Variants in NBEAL1 observed in about 807,000 individuals in gnomAD.
The protein encoded by NBEAL1 is neurobeachin-like protein 1.
In NBEAL1, 273 loss-of-function variants were observed where a neutral mutation model predicts 351.3. The ratio of observed to expected loss-of-function variants is 0.78; its 90% CI spans 0.70 to 0.86. NBEAL1 has a LOEUF of 0.86. NBEAL1 is among the 40% of genes least tolerant of loss of function. NBEAL1 has a pLI of 0.00. For synonymous variants in NBEAL1, 1,050 were observed against 1,086.4 expected (o/e 0.97, Z 0.66); for missense variants, 2,961 against 3,201.3 (o/e 0.92, Z 1.81).
At chr2:203,199,965 C>G (rs1478606606) in intron 49 of NBEAL1, among the ~76,000 whole-genome samples, 1 of 152,178 alleles carries the variant, frequency 6.6e-6, no homozygotes, top group East Asian at 1.9e-4. Context: ...TTTTATTCTA[C>G]TTTATTATGT....
Position 203,203,211 on chromosome 2 carries a change from G to A in NBEAL1, c.7506+430G>A, listed in dbSNP as rs567141935. On this transcript the variant is annotated intron_variant, in intron 51 of 55. Coordinates refer to ENST00000683969, the MANE Select transcript of NBEAL1 (RefSeq NM_001378026.1). ...TTTTTTTTTGAGATGGCATGATCTC[G>A]GCTCACTGCAACCTCCGCCTCCCGG... is the stretch of plus-strand genomic sequence containing the variant. 4.0e-5 allele frequency among the ~76,000 whole-genome samples: 6 copies of A among 151,008 alleles called. No individual in the cohort carries two copies. The South Asian group carries it at 1.0e-3, about 26-fold the overall frequency.
At chr2:203,150,822 A>G (rs1051127673) in intron 34 of NBEAL1, among the ~76,000 whole-genome samples, 1 of 152,208 alleles carries the variant, frequency 6.6e-6, no homozygotes, top group Non-Finnish European at 1.5e-5. Flanking sequence ...AAGAACTCCC[A>G]TTTAACAGTG....
intron 38 of NBEAL1, among the ~76,000 whole-genome samples, chr2:203,168,548 A>G (rs1285938167): frequency 6.6e-6 from 1 of 152,116 alleles, no homozygotes; most frequent in Non-Finnish European, 1.5e-5. Flanking sequence ...ACGCTATTGC[A>G]CTCCAGCCTG....
At chr2:203,152,019 G>A (rs1023804399) in intron 35 of NBEAL1, among the ~76,000 whole-genome samples, 17 of 151,628 alleles carry the variant, frequency 1.1e-4, no homozygotes, top group African/African-American at 2.9e-4. Flanking sequence ...GTGTAGTGGC[G>A]CAATCTCGGC....
chr2:203,032,035 G>C (rs552767523), intron 2 of NBEAL1, among the ~76,000 whole-genome samples: 75 of 152,204 alleles, frequency 4.9e-4, no homozygotes, highest in Non-Finnish European at 7.8e-4. Flanking sequence ...TTTTTTGATT[G>C]CTTACTCCGG....
At chr2:203,060,063 A>G (rs2061473666) in intron 6 of NBEAL1, among the ~76,000 whole-genome samples, 2 of 152,202 alleles carry the variant, frequency 1.3e-5, no homozygotes, top group Non-Finnish European at 2.9e-5. Context: ...CTAAGAGAAC[A>G]TTTTAAGTTT....
intron 38 of NBEAL1, among the ~76,000 whole-genome samples, chr2:203,169,388 TAAAAA>T (rs1208449990): frequency 1.1e-5 from 1 of 89,662 alleles, no homozygotes; most frequent in African/African-American, 4.4e-5. Flanking sequence ...TTGAATATAG[TAAAAA>T]AAAAAAAAAA....
chr2:203,119,653 T>A (rs147423589), intron 18 of NBEAL1, among the ~76,000 whole-genome samples: 3,632 of 152,146 alleles, frequency 0.024, 152 homozygotes, highest in African/African-American at 0.083. Context: ...CTCGAACTCC[T>A]GACCTCAAGT....
intron 35 of NBEAL1, among the ~76,000 whole-genome samples, chr2:203,155,024 T>A (rs186620579): frequency 1.3e-5 from 2 of 151,274 alleles, no homozygotes; most frequent in East Asian, 3.9e-4. Context: ...GGAGAAGAGT[T>A]GCTTGAGCCC....
At chr2:203,193,703 C>A in intron 46 of NBEAL1, 92 bp from the exon 47 acceptor site, 9 of 758,666 alleles carry the variant, frequency 1.2e-5, no homozygotes, top group Non-Finnish European at 1.9e-5. Flanking sequence ...GTATGTAATT[C>A]ATTGTAGCTA....
Position 203,169,737 on chromosome 2 carries a change from T to G in NBEAL1, c.5998-10T>G. 1 of 1,529,984 alleles carries G rather than the reference T, an allele frequency of 6.5e-7. No individual in the cohort carries two copies. The highest frequency in any genetic ancestry group is 2.3e-5 in the East Asian group (1 of 44,134). The allele number at this position is 1,529,984 out of a possible 1,614,324, so 94.8% of individuals were successfully genotyped here. ...TTCATTTTTAAAGTATAAAATGCTG[T>G]TTTTTATAGGTTAGAAACAAAATAT... On this transcript the variant is annotated splice_polypyrimidine_tract_variant and intron_variant, in intron 38 of 55. Transcript: ENST00000683969.
chr2:203,186,896 G>A (rs1397864735), intron 44 of NBEAL1, among the ~76,000 whole-genome samples: 1 of 152,152 alleles, frequency 6.6e-6, no homozygotes, highest in Admixed American at 6.5e-5. Flanking sequence ...AAGATTCCTA[G>A]ACACTCTATT....
At chr2:203,149,640 T>C (rs937853936) in intron 34 of NBEAL1, among the ~76,000 whole-genome samples, 1 of 152,190 alleles carries the variant, frequency 6.6e-6, no homozygotes, top group East Asian at 1.9e-4. Context: ...ATATTCATAA[T>C]GTTGTACAAT....
intron 51 of NBEAL1, among the ~76,000 whole-genome samples, chr2:203,207,014 G>A (rs1375029470): frequency 6.6e-6 from 1 of 151,422 alleles, no homozygotes; most frequent in Non-Finnish European, 1.5e-5. Flanking sequence ...AGGAAGTGAG[G>A]AGCGTCTCTG....
intron 39 of NBEAL1, among the ~76,000 whole-genome samples, chr2:203,170,919 A>G (rs2064298660): frequency 6.6e-6 from 1 of 152,196 alleles, no homozygotes; most frequent in Admixed American, 6.5e-5. Flanking sequence ...TAATATGCAT[A>G]CTTATGAAAA....
At chr2:203,074,286 G>A (rs2061730789) in intron 7 of NBEAL1, among the ~76,000 whole-genome samples, 2 of 150,138 alleles carry the variant, frequency 1.3e-5, no homozygotes. Flanking sequence ...TGCAAATGTT[G>A]GGGGAGTTTA....
chr2:203,143,270 G>A (rs145508834), intron 31 of NBEAL1, among the ~76,000 whole-genome samples: 192 of 152,296 alleles, frequency 1.3e-3, no homozygotes, highest in African/African-American at 4.4e-3. Flanking sequence ...CCAAAGCTTA[G>A]TAGTAGTATA....
chr2:203,188,623 C>A, intron 45 of NBEAL1, 34 bp downstream of exon 45: 2 of 1,226,918 alleles, frequency 1.6e-6, no homozygotes, highest in South Asian at 1.4e-5. Flanking sequence ...CTTGCTTTAC[C>A]TTGATAGAAA....
rs184818740 is a variant in NBEAL1, at chr2:203,217,082, G to A, written c.8071-171G>A. On this transcript the variant is annotated intron_variant, in intron 55 of 55. Transcript: ENST00000683969. ...GCCTACCAAAGTGCTGGGATTACAG[G>A]CATGAGTCACCACACCTGGCCGTCT... Among the ~76,000 whole-genome samples, 5 of 152,304 alleles carry A rather than the reference G, an allele frequency of 3.3e-5. No individual in the cohort carries two copies. In the East Asian group the frequency reaches 7.7e-4, roughly 24 times the overall value.
Sources: allele counts gnomAD v4.1 joint callset (sites outside exome capture counted in the v4.1 genomes callset), GRCh38; gene constraint gnomAD v4.1.1; transcripts MANE v1.5; gene names NCBI Gene and HGNC (gene_info 2026-07-23, HGNC 2026-07-21).